LIMCH1: variants seen among roughly 807,000 people sequenced by gnomAD.
LIMCH1 encodes the protein LIM and calponin homology domains 1, also known as LIM and calponin homology domains-containing protein 1.
Under a neutral mutation model 176.5 loss-of-function variants are expected in LIMCH1, and 113 were observed. The observed-to-expected ratio is 0.64, with a 90% CI of 0.55 to 0.75. The LOEUF (loss-of-function observed/expected upper bound fraction) is 0.75. LIMCH1 is among the 30% of genes least tolerant of loss of function. LIMCH1 has a pLI of 0.00. For missense variants in LIMCH1, 1,674 were observed against 1,814.9 expected (o/e 0.92, Z 1.41); for synonymous variants, 619 against 645.9 (o/e 0.96, Z 0.63).
chr4:41,684,450 A>G lies in LIMCH1; in HGVS notation c.3899A>G (p.His1300Arg). 6.2e-7 allele frequency: 1 copy of G among 1,613,838 alleles called. No individual in the cohort carries two copies. The highest frequency in any genetic ancestry group is 1.1e-5 in the South Asian group (1 of 91,066). Residue 1300 changes from histidine to arginine, a missense_variant, in exon 27 of 32, where the codon CAT becomes CGT. Around this residue, in one of 3 missense-constraint regions of LIMCH1, gnomAD observed 1,015 missense variants for 1,102.5 expected, o/e 0.92. Coordinates refer to ENST00000503057, the MANE Select transcript of LIMCH1 (RefSeq NM_001330672.2). Reference sequence around the variant, plus strand: ...GGGAACCCTGTATCAAAAGGAGTCCATGAAGACCATCAGCTGGATACCGAG... The same window carrying G: ...GGGAACCCTGTATCAAAAGGAGTCCGTGAAGACCATCAGCTGGATACCGAG... ...HSGNPVSKGV[H>R]EDHQLDTEAG...
At chr4:41,512,392 T>C (rs1192419478) in intron 2 of LIMCH1, among the ~76,000 whole-genome samples, 3 of 152,194 alleles carry the variant, frequency 2.0e-5, no homozygotes, top group Non-Finnish European at 2.9e-5. Flanking sequence ...CCAGCTGTTA[T>C]ACTCCTAAGT....
intron 1 of LIMCH1, among the ~76,000 whole-genome samples, chr4:41,377,983 A>G (rs2055023261): frequency 6.6e-6 from 1 of 152,196 alleles, no homozygotes; most frequent in South Asian, 2.1e-4. Context: ...TTTTCAACAC[A>G]TGAATTCTGG....
chr4:41,542,898 G>A (rs2152481386), intron 1 of LIMCH1, among the ~76,000 whole-genome samples: 1 of 152,266 alleles, frequency 6.6e-6, no homozygotes, highest in African/African-American at 2.4e-5. Flanking sequence ...TTGTAACATT[G>A]TCCTCACATT....
intron 2 of LIMCH1, among the ~76,000 whole-genome samples, chr4:41,504,530 G>A (rs569052160): frequency 1.4e-3 from 217 of 152,320 alleles, no homozygotes; most frequent in African/African-American, 4.9e-3. Context: ...CTTCCCACTC[G>A]TGGGAGCAAC....
At chr4:41,485,214 C>A (rs977535209) in intron 1 of LIMCH1, among the ~76,000 whole-genome samples, 5 of 152,098 alleles carry the variant, frequency 3.3e-5, no homozygotes, top group African/African-American at 1.2e-4. Context: ...AACATAATTA[C>A]CTTTTAGTCC....
chr4:41,654,907 C>T (rs370234101), intron 18 of LIMCH1, among the ~76,000 whole-genome samples: 1 of 152,104 alleles, frequency 6.6e-6, no homozygotes, highest in Non-Finnish European at 1.5e-5. Flanking sequence ...TGTTAAAGGC[C>T]CAGTGGAAAC....
At chr4:41,679,722 G>A (rs190754654) in intron 23 of LIMCH1, among the ~76,000 whole-genome samples, 1 of 152,206 alleles carries the variant, frequency 6.6e-6, no homozygotes, top group East Asian at 1.9e-4. Context: ...GAACAAAACT[G>A]GAGTGAAGGA....
chr4:41,637,172 C>A (rs565615961), intron 13 of LIMCH1, among the ~76,000 whole-genome samples: 1 of 110,130 alleles, frequency 9.1e-6, no homozygotes, highest in East Asian at 2.1e-4. Context: ...ATTGCCCTTG[C>A]ACTCCTTTTC....
At position 41,407,421 on chromosome 4, in the gene LIMCH1, G is replaced by T. The variant is rs369679990; in HGVS notation, c.96+46485G>T. Among the ~76,000 whole-genome samples the T allele has an allele frequency of 8.5e-5, 13 of 152,246 alleles. No individual in the cohort carries two copies. In the South Asian group the frequency reaches 2.7e-3, roughly 32 times the overall value. ...TTTTTAAATTTTTTTGTAGAGAGGA[G>T]GTCTCACTATGTTGGCCAGGCTGGT... On this transcript the variant is annotated intron_variant, in intron 1 of 26. Coordinates refer to the LIMCH1 transcript ENST00000313860.
chr4:41,631,565 C>T (rs2093327948), intron 10 of LIMCH1, 88 bp downstream of exon 10: 11 of 1,084,110 alleles, frequency 1.0e-5, no homozygotes, highest in East Asian at 2.6e-5. Flanking sequence ...ATACAAGCCC[C>T]TAGAGATGAC....
chr4:41,631,066 TTTTTTTTTTTG>T, intron 9 of LIMCH1, 71 bp from the exon 10 acceptor site: 1 of 871,316 alleles, frequency 1.1e-6, no homozygotes, highest in Non-Finnish European at 1.6e-6. Flanking sequence ...CTACTTCTAG[TTTTTTTTTTTG>T]TTTTTTTTTT....
Position 41,684,535 on chromosome 4 carries a change from C to T in LIMCH1, c.3967+17C>T. 6.2e-7 allele frequency: 1 copy of T among 1,610,960 alleles called. No homozygotes were observed. The highest frequency in any genetic ancestry group is 1.1e-5 in the South Asian group (1 of 90,470). On this transcript the variant is annotated intron_variant, in intron 27 of 31. Transcript: ENST00000503057. Reference sequence around the variant, plus strand: ...TTGCTCAGGGTAAGAATGGAGAAGACCAGTTTCATTCAATGTTTAAATTGT... The same window carrying T: ...TTGCTCAGGGTAAGAATGGAGAAGATCAGTTTCATTCAATGTTTAAATTGT...
intron 1 of LIMCH1, among the ~76,000 whole-genome samples, chr4:41,437,899 G>A (rs2062259373): frequency 6.6e-6 from 1 of 152,144 alleles, no homozygotes; most frequent in African/African-American, 2.4e-5. Flanking sequence ...TTTCACAATG[G>A]CCCAAAGTAA....
rs542213615 is a variant in LIMCH1, at chr4:41,483,533, T to A, written c.97-11003T>A. 2.6e-5 allele frequency among the ~76,000 whole-genome samples: 4 copies of A among 152,282 alleles called. No homozygotes were observed. In the East Asian group the frequency reaches 7.7e-4, roughly 29 times the overall value. On this transcript the variant is annotated intron_variant, in intron 1 of 26. Coordinates refer to the LIMCH1 transcript ENST00000313860. ...CTCCCCTTGCTCCCATCTTCTGGGT[T>A]GTCTCTTTTGTTCTGGGTTCAGGTG...
chr4:41,605,621 T>C (rs1056899260), intron 3 of LIMCH1, among the ~76,000 whole-genome samples: 34 of 152,248 alleles, frequency 2.2e-4, no homozygotes, highest in African/African-American at 8.2e-4. Context: ...TTTTTCCTTC[T>C]TGCTGTCTTA....
In LIMCH1 at chr4:41,632,740, C is replaced by A; in HGVS notation, c.1602-9C>A. 1 of 1,533,452 alleles carries A rather than the reference C, an allele frequency of 6.5e-7. No homozygotes were observed. The highest frequency in any genetic ancestry group is 8.7e-7 in the Non-Finnish European group (1 of 1,144,464). The allele number at this position is 1,533,452 out of a possible 1,614,324, so 95.0% of individuals were successfully genotyped here. A position where few individuals can be genotyped will look rare whatever the true frequency, so the allele number is the denominator to read the frequency against. On this transcript the variant is annotated splice_polypyrimidine_tract_variant and intron_variant, in intron 10 of 31. Coordinates refer to ENST00000503057, the MANE Select transcript of LIMCH1 (RefSeq NM_001330672.2). ...TCTCTTGCCACCAATGCTACTTGATCGTCTGCAGAACAATGAATTGTGGCC... is the reference window on the plus strand; with the variant it reads ...TCTCTTGCCACCAATGCTACTTGATAGTCTGCAGAACAATGAATTGTGGCC...
upstream of LIMCH1, among the ~76,000 whole-genome samples, chr4:41,535,754 A>G (rs1402119313): frequency 6.6e-6 from 1 of 152,170 alleles, no homozygotes; most frequent in Non-Finnish European, 1.5e-5. Flanking sequence ...TGCTAGCTGA[A>G]GTCTAATATC....
intron 3 of LIMCH1, among the ~76,000 whole-genome samples, chr4:41,531,631 C>G (rs1437190125): frequency 6.6e-6 from 1 of 152,116 alleles, no homozygotes; most frequent in Non-Finnish European, 1.5e-5. Flanking sequence ...CTTTTGTCTG[C>G]TATGACTAAT....
At chr4:41,473,434 C>T (rs1292957452) in intron 1 of LIMCH1, among the ~76,000 whole-genome samples, 1 of 152,176 alleles carries the variant, frequency 6.6e-6, no homozygotes, top group African/African-American at 2.4e-5. Flanking sequence ...CAACAGATCC[C>T]TGTGTCAATC....
Sources: gnomAD v4.1 joint callset for allele counts (sites outside exome capture counted in the v4.1 genomes callset) on GRCh38, gnomAD v4.1.1 for gene constraint, gnomAD v4.1.1 regional missense constraint, MANE v1.5 for transcripts, NCBI Gene and HGNC (gene_info 2026-07-23, HGNC 2026-07-21) for gene names.